The following CYLD variants were observed in gnomAD, a reference collection of about 807,000 sequenced individuals.
CYLD encodes CYLD lysine 63 deubiquitinase, also known as ubiquitin carboxyl-terminal hydrolase CYLD.
A neutral mutation model predicts 104.5 loss-of-function variants in CYLD; 26 were observed. The observed-to-expected ratio is 0.25, with a 90% CI of 0.18 to 0.35. The LOEUF is 0.35. CYLD is among the 10% of genes least tolerant of loss of function. The probability of loss-of-function intolerance (pLI) is 1.00; values close to 1 mark genes in which losing one functional copy is unlikely to be tolerated. For synonymous variants in CYLD, 385 were observed against 399.9 expected, an observed-to-expected ratio of 0.96 and a Z score of 0.45; for missense variants, 703 against 1,136.1, an observed-to-expected ratio of 0.62 and a Z score of 5.48.
intron 13 of CYLD, 166 bp downstream of exon 13, chr16:50,787,112 C>T: frequency 1.5e-6 from 1 of 647,414 alleles, no homozygotes; most frequent in Non-Finnish European, 2.8e-6. Context: ...TTCTTCCTCT[C>T]TTCTAAAAGT....
At chr16:50,782,491 G>T (rs748745121) in intron 11 of CYLD, 25 bp downstream of exon 11, 1 of 1,611,624 alleles carries the variant, frequency 6.2e-7, no homozygotes, top group Non-Finnish European at 8.5e-7. Flanking sequence ...AATGCAATAG[G>T]TATAGATAGT....
chr16:50,764,580 G>A lies in CYLD; in HGVS notation c.913+10156G>A, dbSNP rs1341493220. 4.6e-5 allele frequency among the ~76,000 whole-genome samples: 7 copies of A among 152,172 alleles called. No individual in the cohort carries two copies. The East Asian group carries it at 1.2e-3, about 25-fold the overall frequency. ...GGTTTCTGACTTTCATTTTTTCAAA[G>A]GACCAACTTTTGGCTTTCTTAATTC... is the stretch of plus-strand genomic sequence containing the variant. On this transcript the variant is annotated intron_variant, in intron 5 of 18. Coordinates refer to ENST00000427738, the MANE Select transcript of CYLD (RefSeq NM_001378743.1).
intron 10 of CYLD, 61 bp downstream of exon 10, chr16:50,781,472 C>A: frequency 6.4e-7 from 1 of 1,563,332 alleles, no homozygotes; most frequent in Non-Finnish European, 8.8e-7. Context: ...AATCTCATAT[C>A]ATGTTATATT....
chr16:50,760,775 C>T (rs1967817828), intron 5 of CYLD, among the ~76,000 whole-genome samples: 1 of 146,846 alleles, frequency 6.8e-6, no homozygotes. Flanking sequence ...CTGTTTCCCA[C>T]ATGTGCTAGC....
In CYLD at chr16:50,797,584, GC is replaced by G. The variant is rs1489274532; in HGVS notation, c.*1078del. On this transcript the variant is annotated 3_prime_UTR_variant, in exon 19 of 19. Coordinates refer to ENST00000427738, the MANE Select transcript of CYLD (RefSeq NM_001378743.1). ...AAATGGGATGTTTTGTTTAATAACA[GC>G]CATAGTGTGTGTTTAGACCACAGCG... 4 of 232,500 alleles carry G rather than the reference GC, an allele frequency of 1.7e-5. No homozygotes were observed. Among genetic ancestry groups the G allele is most frequent in the Non-Finnish European group, 3.4e-5 (4 of 117,614 alleles). 14.4% of individuals were successfully genotyped at this position (232,500 alleles called of 1,614,324 possible). A position where few individuals can be genotyped will look rare whatever the true frequency, so the allele number is the denominator to read the frequency against.
chr16:50,775,076 T>G (rs561008468), intron 5 of CYLD, 90 bp from the exon 6 acceptor site: 8 of 1,049,832 alleles, frequency 7.6e-6, no homozygotes, highest in Non-Finnish European at 1.1e-5. Context: ...GAAAAGTCTT[T>G]TCCTTGTGTT....
Position 50,777,934 on chromosome 16 carries a change from T to C in CYLD, c.1131T>C (p.Ile377=). The C allele has an allele frequency of 6.7e-7, 1 of 1,499,922 alleles. No homozygotes were observed. Among genetic ancestry groups the C allele is most frequent in the Admixed American group, 1.7e-5 (1 of 59,810 alleles). 92.9% of individuals were successfully genotyped at this position (1,499,922 alleles called of 1,614,324 possible). A position where few individuals can be genotyped will look rare whatever the true frequency, so the allele number is the denominator to read the frequency against. Residue 377 remains isoleucine, a synonymous_variant, in exon 8 of 19, where the codon ATT becomes ATC. Coordinates refer to ENST00000427738, the MANE Select transcript of CYLD (RefSeq NM_001378743.1). ...PQSKSKNTWY[I]DEVAEDPAKS... Reference sequence around the variant, plus strand: ...CCAAATCAAAAAATACATGGTACATTGATGAAGGTAATCAGTAATTTTAGT... The same window carrying C: ...CCAAATCAAAAAATACATGGTACATCGATGAAGGTAATCAGTAATTTTAGT...
chr16:50,755,270 G>A (rs558145379), intron 5 of CYLD, among the ~76,000 whole-genome samples: 7 of 150,548 alleles, frequency 4.6e-5, no homozygotes, highest in African/African-American at 1.5e-4. Flanking sequence ...TTTCTTTATC[G>A]ACTTGTTCAT....
intron 3 of CYLD, 149 bp downstream of exon 3, chr16:50,750,351 ATGAAT>A: frequency 1.1e-6 from 1 of 945,420 alleles, no homozygotes; most frequent in East Asian, 2.5e-5. Context: ...ATCCTTGCTG[ATGAAT>A]CCATGTTGTG....
rs1476429026 is a variant in CYLD, at chr16:50,800,515, T to G, written c.*4007T>G. 4.3e-6 allele frequency: 1 copy of G among 233,132 alleles called. No homozygotes were observed. The highest frequency in any genetic ancestry group is 8.5e-6 in the Non-Finnish European group (1 of 117,972). The allele number at this position is 233,132 out of a possible 1,614,324, so 14.4% of individuals were successfully genotyped here. A position where few individuals can be genotyped will look rare whatever the true frequency, so the allele number is the denominator to read the frequency against. On this transcript the variant is annotated 3_prime_UTR_variant, in exon 19 of 19. Coordinates refer to ENST00000427738, the MANE Select transcript of CYLD (RefSeq NM_001378743.1). ...GTTTGTTTCCTAGAGGTGTTAGTAG[T>G]CTTTAAATACAAGTAAGACTTAAGA...
chr16:50,759,935 C>G (rs1044051545), intron 5 of CYLD, among the ~76,000 whole-genome samples: 9 of 152,120 alleles, frequency 5.9e-5, no homozygotes, highest in Non-Finnish European at 8.8e-5. Flanking sequence ...CATGAGTTCT[C>G]TAGTTTTAGA....
intron 8 of CYLD, 44 bp downstream of exon 8, chr16:50,777,985 T>C: frequency 8.9e-7 from 1 of 1,120,888 alleles, no homozygotes; most frequent in Non-Finnish European, 1.4e-6. Flanking sequence ...CCTTTCTTTC[T>C]AACTCATCAG....
At chr16:50,752,694 AC>A (rs1966729765) in intron 4 of CYLD, among the ~76,000 whole-genome samples, 1 of 152,182 alleles carries the variant, frequency 6.6e-6, no homozygotes. Context: ...ACCTCTGCTA[AC>A]CACAATTTCT....
chr16:50,774,680 G>T (rs1051882168), intron 5 of CYLD, among the ~76,000 whole-genome samples: 1 of 152,300 alleles, frequency 6.6e-6, no homozygotes, highest in Non-Finnish European at 1.5e-5. Context: ...TACGTCAGGG[G>T]TTATGGATTA....
At chr16:50,754,953 A>ATG in intron 5 of CYLD, among the ~76,000 whole-genome samples, 1 of 146,556 alleles carries the variant, frequency 6.8e-6, no homozygotes, top group Admixed American at 6.9e-5. Context: ...ATACACACAT[A>ATG]TATACATATA....
At position 50,801,089 on chromosome 16, in the gene CYLD, C is replaced by T. The variant is rs905749862; in HGVS notation, c.*4581C>T. On this transcript the variant is annotated 3_prime_UTR_variant, in exon 19 of 19. Transcript: ENST00000427738. Reference sequence around the variant, plus strand: ...TGTTCGCATTGCCCTTCTCCGTTCCCCTTCAGACCTTTCTGGGGAGAAGAG... The same window carrying T: ...TGTTCGCATTGCCCTTCTCCGTTCCTCTTCAGACCTTTCTGGGGAGAAGAG... 1 of 233,432 alleles carries T rather than the reference C, an allele frequency of 4.3e-6. No homozygotes were observed. The highest frequency in any genetic ancestry group is 8.5e-6 in the Non-Finnish European group (1 of 118,084). The allele number at this position is 233,432 out of a possible 1,614,324, so 14.5% of individuals were successfully genotyped here. A position where few individuals can be genotyped will look rare whatever the true frequency, so the allele number is the denominator to read the frequency against.
intron 7 of CYLD, among the ~76,000 whole-genome samples, chr16:50,777,011 A>T (rs574558830): frequency 5.3e-5 from 8 of 152,330 alleles, no homozygotes; most frequent in Non-Finnish European, 8.8e-5. Flanking sequence ...TAACCTATAG[A>T]TCTATATAGG....
Position 50,751,738 on chromosome 16 carries a change from A to G in CYLD, c.639A>G (p.Glu213=). The stretch of plus-strand genomic sequence containing the variant: ...TAGAAGATGATGACACTGCATTGGA[A>G]AGTGATTACGCAGGTCCTGGGGACA... ...ELIEDDDTAL[E]SDYAGPGDTM... Residue 213 remains glutamate, a synonymous_variant, in exon 4 of 19, where the codon GAA becomes GAG. Coordinates refer to ENST00000427738, the MANE Select transcript of CYLD (RefSeq NM_001378743.1). 6.2e-7 allele frequency: 1 copy of G among 1,613,806 alleles called. No homozygotes were observed. The highest frequency in any genetic ancestry group is 8.5e-7 in the Non-Finnish European group (1 of 1,179,832).
chr16:50,765,757 AG>A (rs1412130376), intron 5 of CYLD, among the ~76,000 whole-genome samples: 1 of 152,218 alleles, frequency 6.6e-6, no homozygotes, highest in African/African-American at 2.4e-5. Flanking sequence ...GCTGATATGG[AG>A]AAAGGTTTAG....
Sources: gnomAD v4.1 joint callset for allele counts (sites outside exome capture counted in the v4.1 genomes callset) on GRCh38, gnomAD v4.1.1 for gene constraint, MANE v1.5 for transcripts, NCBI Gene and HGNC (gene_info 2026-07-23, HGNC 2026-07-21) for gene names.